The following SIRT5 variants were observed in gnomAD, a reference collection of about 807,000 sequenced individuals.
The protein encoded by SIRT5 is sirtuin 5.
SIRT5 carries 26 observed loss-of-function variants against 40.0 expected under a neutral mutation model. The ratio of observed to expected loss-of-function variants is 0.65; its 90% CI spans 0.48 to 0.90. The LOEUF (loss-of-function observed/expected upper bound fraction) is 0.90, where lower values mean the gene tolerates loss of function less well. Among genes scored for constraint, SIRT5 ranks in the 40% least tolerant of loss-of-function variants. The probability of loss-of-function intolerance (pLI) is 0.00; values close to 1 mark genes in which losing one functional copy is unlikely to be tolerated. For missense variants in SIRT5, 401 were observed against 402.4 expected (o/e 1.00, Z 0.03); for synonymous variants, 146 against 149.1 (o/e 0.98, Z 0.15).
rs936086679 is a variant in SIRT5, at chr6:13,599,095, G to A, written c.681G>A (p.Leu227=). Residue 227 remains leucine (L), a synonymous_variant, in exon 8 of 10, where the codon CTG becomes CTA. Transcript: ENST00000606117. ...ACGTCGTGTGGTTTGGAGAAAACCT[G>A]GATCCTGCCATTCTGGAGGAGGTTG... ...RPHVVWFGEN[L]DPAILEEVDR... 1.2e-6 allele frequency: 2 copies of A among 1,613,972 alleles called. No homozygotes were observed. Among genetic ancestry groups the A allele is most frequent in the African/African-American group, 2.7e-5 (2 of 74,906 alleles).
intron 9 of SIRT5, chr6:13,605,107 C>T: frequency 1.0e-6 from 1 of 985,550 alleles, no homozygotes; most frequent in Non-Finnish European, 1.2e-6. Flanking sequence ...AAACACAGAG[C>T]TTAACAATGG....
chr6:13,605,046 T>G, intron 9 of SIRT5: 2 of 986,394 alleles, frequency 2.0e-6, no homozygotes, highest in Non-Finnish European at 2.4e-6. Context: ...CTCATCCTAC[T>G]CAATTTTTCA....
At chr6:13,577,439 A>G (rs1221332503) in intron 1 of SIRT5, among the ~76,000 whole-genome samples, 2 of 151,794 alleles carry the variant, frequency 1.3e-5, no homozygotes, top group East Asian at 1.9e-4. Context: ...TTTCTTTTTC[A>G]TATAGTTGGT....
intron 9 of SIRT5, among the ~76,000 whole-genome samples, chr6:13,602,489 A>G (rs1311274252): frequency 2.6e-5 from 4 of 152,056 alleles, no homozygotes. Context: ...AACAAGAGTA[A>G]AACTCCGTCT....
At chr6:13,602,761 C>T (rs963135504) in intron 9 of SIRT5, among the ~76,000 whole-genome samples, 6 of 152,286 alleles carry the variant, frequency 3.9e-5, no homozygotes, top group Admixed American at 3.3e-4. Context: ...CCCTCTGTCA[C>T]ACCATTACAA....
chr6:13,587,606 C>T (rs1158563177), intron 3 of SIRT5, among the ~76,000 whole-genome samples: 2 of 152,200 alleles, frequency 1.3e-5, no homozygotes, highest in Admixed American at 1.3e-4. Context: ...TGTGTTCAGG[C>T]AGGAGAACTG....
chr6:13,606,935 GC>G (rs1763193020), intron 9 of SIRT5, among the ~76,000 whole-genome samples: 1 of 151,034 alleles, frequency 6.6e-6, no homozygotes, highest in Non-Finnish European at 1.5e-5. Context: ...ACCTGCCTTA[GC>G]CTCCCGAAGT....
intron 2 of SIRT5, among the ~76,000 whole-genome samples, chr6:13,581,379 G>A (rs970892201): frequency 6.6e-6 from 1 of 151,998 alleles, no homozygotes; most frequent in Non-Finnish European, 1.5e-5. Flanking sequence ...GCTTGAGTTT[G>A]GCATTTTCTC....
intron 3 of SIRT5, among the ~76,000 whole-genome samples, chr6:13,587,637 G>A (rs943663384): frequency 1.3e-5 from 2 of 152,224 alleles, no homozygotes; most frequent in Non-Finnish European, 2.9e-5. Flanking sequence ...CAGGACGGGA[G>A]GGCAAGCCAT....
intron 2 of SIRT5, among the ~76,000 whole-genome samples, chr6:13,581,854 A>G (rs546043092): frequency 1.3e-5 from 2 of 152,320 alleles, no homozygotes; most frequent in East Asian, 1.9e-4. Flanking sequence ...AAACAGGAAC[A>G]TTGTTGAAGC....
At chr6:13,592,668 A>T (rs1447761314) in intron 5 of SIRT5, among the ~76,000 whole-genome samples, 1 of 152,014 alleles carries the variant, frequency 6.6e-6, no homozygotes, top group African/African-American at 2.4e-5. Context: ...ATGTCGGTGG[A>T]GTTTGTCTTG....
chr6:13,599,914 C>T (rs1006582743), intron 8 of SIRT5, among the ~76,000 whole-genome samples: 2 of 152,310 alleles, frequency 1.3e-5, no homozygotes, highest in African/African-American at 2.4e-5. Context: ...ACTTTGTTCA[C>T]GCAGCAGTTC....
chr6:13,599,915 G>A (rs1372967957), intron 8 of SIRT5, among the ~76,000 whole-genome samples: 1 of 152,176 alleles, frequency 6.6e-6, no homozygotes, highest in Admixed American at 6.5e-5. Context: ...CTTTGTTCAC[G>A]CAGCAGTTCA....
chr6:13,602,290 A>C (rs1762494151), intron 9 of SIRT5, among the ~76,000 whole-genome samples: 1 of 152,224 alleles, frequency 6.6e-6, no homozygotes, highest in Non-Finnish European at 1.5e-5. Flanking sequence ...AAAATAGCCA[A>C]AACAAAATGA....
In SIRT5 at chr6:13,595,462, A is replaced by T. The variant is rs752590753; in HGVS notation, c.476-15A>T. 2 of 1,600,124 alleles carry T rather than the reference A, an allele frequency of 1.2e-6. No individual in the cohort carries two copies. The highest frequency in any genetic ancestry group is 2.2e-5 in the East Asian group (1 of 44,832). On this transcript the variant is annotated splice_polypyrimidine_tract_variant and intron_variant, in intron 5 of 9. Transcript: ENST00000606117. ...TTATACTAAATTCTGGATTTGCTTC[A>T]TATGTATTTTTCAGGTAGCTTATTT...
chr6:13,587,549 T>C lies in SIRT5; in HGVS notation c.116-782T>C, dbSNP rs912865847. ...CACGTAAAGTGCTTGGCATAGCACT[T>C]GGGGTGCAGGGAGCCCTCACCACCA... On this transcript the variant is annotated intron_variant, in intron 3 of 9. Transcript: ENST00000606117. 4.6e-5 allele frequency among the ~76,000 whole-genome samples: 7 copies of C among 152,146 alleles called. No homozygotes were observed. The South Asian group carries it at 6.2e-4, about 14-fold the overall frequency.
upstream of SIRT5, among the ~76,000 whole-genome samples, chr6:13,574,286 C>G (rs968236110): frequency 6.6e-6 from 1 of 152,114 alleles, no homozygotes; most frequent in Non-Finnish European, 1.5e-5. Flanking sequence ...CCTCTCCAGC[C>G]GGCGCGCCCG....
chr6:13,589,704 A>G (rs1466098681), intron 4 of SIRT5, among the ~76,000 whole-genome samples: 1 of 152,048 alleles, frequency 6.6e-6, no homozygotes, highest in Non-Finnish European at 1.5e-5. Context: ...TTAAAGGTGA[A>G]GTGGGGAGAA....
At chr6:13,603,231 C>T (rs1237721159) in intron 9 of SIRT5, among the ~76,000 whole-genome samples, 1 of 146,872 alleles carries the variant, frequency 6.8e-6, no homozygotes, top group African/African-American at 2.5e-5. Context: ...GAGCCGAGAT[C>T]GCGCCACTGC....
Sources: allele counts gnomAD v4.1 joint callset (sites outside exome capture counted in the v4.1 genomes callset), GRCh38; gene constraint gnomAD v4.1.1; transcripts MANE v1.5; gene names NCBI Gene and HGNC (gene_info 2026-07-23, HGNC 2026-07-21).